The following SPTB variants were observed in gnomAD, a reference collection of about 807,000 sequenced individuals.
The protein encoded by SPTB is spectrin beta, erythrocytic.
Under a neutral mutation model 256.2 loss-of-function variants are expected in SPTB, and 45 were observed. That is an observed-to-expected ratio of 0.18 (90% CI 0.14 to 0.23). SPTB has a LOEUF of 0.23. Ranked by LOEUF, SPTB falls within the 10% of genes least tolerant of loss-of-function variation. The pLI is 1.00. For missense variants in SPTB, 2,715 were observed against 3,040.4 expected (o/e 0.89, Z 2.52); for synonymous variants, 1,231 against 1,243.1 (o/e 0.99, Z 0.21).
chr14:64,779,823 G>A lies in SPTB; in HGVS notation c.4375C>T (p.Arg1459Trp), dbSNP rs780155773. The change falls in exon 21 of 36, where the codon CGG (arginine) becomes TGG (tryptophan). Residue 1459 changes from arginine (R) to tryptophan (W), a missense_variant. Coordinates refer to ENST00000644917, the MANE Select transcript of SPTB (RefSeq NM_001355436.2). This position sits in a 1 kb window ranked among gnomAD's most constrained non-coding sequence, Gnocchi z 4.2. ...AGGGGTTCCAGGAGGTCCAGGAACC[G>A]CTTCTCGATGCTCAAGTCTGCATCT... ...GGDADLSIEK[R>W]FLDLLEPLGR... 16 of 1,613,950 alleles carry A rather than the reference G, an allele frequency of 9.9e-6. No individual in the cohort carries two copies. Among genetic ancestry groups the A allele is most frequent in the Middle Eastern group, 1.6e-4 (1 of 6,084 alleles).
chr14:64,870,244 T>G (rs1357277120), intron 1 of SPTB, among the ~76,000 whole-genome samples: 2 of 150,750 alleles, frequency 1.3e-5, no homozygotes, highest in South Asian at 2.1e-4. Flanking sequence ...TACAGAGGAA[T>G]CCACAAGGAA....
chr14:64,783,189 A>G (rs2082502245), intron 19 of SPTB, among the ~76,000 whole-genome samples: 1 of 151,856 alleles, frequency 6.6e-6, no homozygotes, highest in Non-Finnish European at 1.5e-5. Context: ...TTAGGAATCT[A>G]TATCACTAAT....
chr14:64,798,927 C>T (rs141669215), intron 9 of SPTB, among the ~76,000 whole-genome samples: 1 of 152,276 alleles, frequency 6.6e-6, no homozygotes, highest in East Asian at 1.9e-4. Context: ...AGCTGGAATG[C>T]CCCGTGTGTA....
rs760486873 is a variant in SPTB at position 64,752,542 on chromosome 14, C to T, written c.6602+995G>A. ...CCTTGAACAAATGACTTAACCTTTC[C>T]GAGACTCTGTTATCCCCTTGGAAAA... On this transcript the variant is annotated intron_variant, in intron 33 of 35. Coordinates refer to ENST00000644917, the MANE Select transcript of SPTB (RefSeq NM_001355436.2). Among the ~76,000 whole-genome samples the T allele has an allele frequency of 3.3e-5, 5 of 152,226 alleles. No individual in the cohort carries two copies. In the East Asian group the frequency reaches 5.8e-4, roughly 18 times the overall value.
chr14:64,767,906 G>C lies in SPTB; in HGVS notation c.6023-47C>G, dbSNP rs201190781. ...AGACCCCCCACAAGGCCCAGGGCCT[G>C]TTAGCACCCAATCGTTCACTCCTGA... On this transcript the variant is annotated intron_variant, in intron 29 of 35. Transcript: ENST00000644917. 12 of 1,603,478 alleles carry C rather than the reference G, an allele frequency of 7.5e-6. No homozygotes were observed. The East Asian group carries it at 2.2e-4, about 30-fold the overall frequency.
At chr14:64,848,478 A>G (rs1057027471) in intron 1 of SPTB, among the ~76,000 whole-genome samples, 3 of 152,194 alleles carry the variant, frequency 2.0e-5, no homozygotes, top group Non-Finnish European at 4.4e-5. Context: ...TTGCTATTAC[A>G]TCACTTAGTC....
rs907583420 is a variant in SPTB at position 64,759,399 on chromosome 14, C to T, written c.6346-5606G>A. The stretch of plus-strand genomic sequence containing the variant: ...CTCCCAGCTCACCAGCTGAACCATC[C>T]ACCCATGCCAACCGTGGGCCCTGGG... On this transcript the variant is annotated intron_variant, in intron 32 of 35. Transcript: ENST00000644917. The surrounding 1 kb of genome is among the most constrained non-coding windows in gnomAD (Gnocchi z 4.8). Among the ~76,000 whole-genome samples, 18 of 152,242 alleles carry T rather than the reference C, an allele frequency of 1.2e-4. No individual in the cohort carries two copies. The highest frequency in any genetic ancestry group is 4.3e-4 in the African/African-American group (18 of 41,454).
intron 1 of SPTB, among the ~76,000 whole-genome samples, chr14:64,867,067 G>A (rs1882226769): frequency 6.6e-6 from 1 of 152,158 alleles, no homozygotes; most frequent in African/African-American, 2.4e-5. Flanking sequence ...ATCTGACGAT[G>A]TAAGTTAAAA....
chr14:64,775,505 C>G lies in SPTB; in HGVS notation c.4564-102G>C, dbSNP rs867837383. 2.2e-4 allele frequency: 325 copies of G among 1,447,836 alleles called. No homozygotes were observed. The highest frequency in any genetic ancestry group is 7.0e-4 in the Middle Eastern group (3 of 4,258). 89.7% of individuals were successfully genotyped at this position (1,447,836 alleles called of 1,614,324 possible). A position where few individuals can be genotyped will look rare whatever the true frequency, so the allele number is the denominator to read the frequency against. On this transcript the variant is annotated intron_variant, in intron 22 of 35. Coordinates refer to ENST00000644917, the MANE Select transcript of SPTB (RefSeq NM_001355436.2). This position sits in a 1 kb window ranked among gnomAD's most constrained non-coding sequence, Gnocchi z 5.0. ...CTCTGACACCCTTGGTCCCTCTCAC[C>G]CCCGTTGCTAGAGCAGAGCAGGTGA...
intron 1 of SPTB, among the ~76,000 whole-genome samples, chr14:64,868,854 C>T (rs183295135): frequency 1.3e-5 from 2 of 152,232 alleles, no homozygotes; most frequent in African/African-American, 4.8e-5. Flanking sequence ...CATCTCCATC[C>T]TTAGATGTCA....
intron 1 of SPTB, among the ~76,000 whole-genome samples, chr14:64,871,571 G>A (rs1882535652): frequency 6.6e-6 from 1 of 152,192 alleles, no homozygotes; most frequent in African/African-American, 2.4e-5. Flanking sequence ...TAACTTGAGG[G>A]CTACCAAGGT....
intron 6 of SPTB, 90 bp from the exon 7 acceptor site, chr14:64,801,490 G>T: frequency 1.0e-6 from 1 of 998,710 alleles, no homozygotes; most frequent in Non-Finnish European, 1.6e-6. Flanking sequence ...TTGTACAGAG[G>T]CAGGGAGGTG....
chr14:64,753,558 G>A lies in SPTB; in HGVS notation c.6581C>T (p.Pro2194Leu). 1.9e-6 allele frequency: 3 copies of A among 1,613,386 alleles called. No homozygotes were observed. The highest frequency in any genetic ancestry group is 2.5e-6 in the Non-Finnish European group (3 of 1,179,988). The change falls in exon 33 of 36, where the codon CCC becomes CTC. Residue 2194 changes from proline (P) to leucine (L), a missense_variant. This residue lies in a region of SPTB where 2,239 missense variants were observed against 2,384.4 expected (regional missense o/e 0.94). Coordinates refer to ENST00000644917, the MANE Select transcript of SPTB (RefSeq NM_001355436.2). Reference sequence around the variant, plus strand: ...TCACCTGTTGGAAGCCTTCTTGTTGGGCCCCTCCAGGTCATGCTTGCGGCC... The same window carrying A: ...TCACCTGTTGGAAGCCTTCTTGTTGAGCCCCTCCAGGTCATGCTTGCGGCC... ...YLGRKHDLEG[P>L]NKKASNRSWN...
At chr14:64,798,731 A>G (rs534875546) in intron 9 of SPTB, among the ~76,000 whole-genome samples, 15 of 152,344 alleles carry the variant, frequency 9.8e-5, no homozygotes, top group Admixed American at 7.8e-4. Flanking sequence ...GGCTTCAGAA[A>G]TGGGTTACTG....
chr14:64,877,218 C>T (rs1424070892), intron 1 of SPTB, among the ~76,000 whole-genome samples: 5 of 151,758 alleles, frequency 3.3e-5, no homozygotes, highest in South Asian at 2.1e-4. Flanking sequence ...GAAACAATGA[C>T]CTGAAAATAA....
chr14:64,750,358 C>A, intron 33 of SPTB: 1 of 568,764 alleles, frequency 1.8e-6, no homozygotes, highest in South Asian at 3.2e-5. Flanking sequence ...TTCTAGTCTT[C>A]ACATTTTCGC....
At position 64,786,369 on chromosome 14, in the gene SPTB, A is replaced by C; in HGVS notation, c.3561+35T>G. The C allele has an allele frequency of 6.2e-7, 1 of 1,613,158 alleles. No homozygotes were observed. The highest frequency in any genetic ancestry group is 8.5e-7 in the Non-Finnish European group (1 of 1,179,996). ...TCACCACAAGAGCTACTGCCCTGAG[A>C]GACCCGCCTGTCCCAGCCCTGAATG... On this transcript the variant is annotated intron_variant, in intron 16 of 35. Transcript: ENST00000644917. This position sits in a 1 kb window ranked among gnomAD's most constrained non-coding sequence, Gnocchi z 5.6.
chr14:64,784,048 G>A (rs1283146199), intron 19 of SPTB, among the ~76,000 whole-genome samples, 199 bp downstream of exon 19: 1 of 152,222 alleles, frequency 6.6e-6, no homozygotes, highest in African/African-American at 2.4e-5. Flanking sequence ...ACCCAGAAGA[G>A]GCACTGATTC....
Position 64,767,664 on chromosome 14 carries a change from G to A in SPTB, c.6218C>T (p.Thr2073Met), listed in dbSNP as rs138377308. 1.4e-5 allele frequency: 22 copies of A among 1,613,854 alleles called. No homozygotes were observed. The highest frequency in any genetic ancestry group is 4.5e-5 in the East Asian group (2 of 44,896). The change falls in exon 30 of 36, where the codon ACG (threonine) becomes ATG (methionine). Residue 2073 changes from threonine to methionine, a missense_variant and splice_region_variant. This residue lies in a region of SPTB where 2,239 missense variants were observed against 2,384.4 expected (regional missense o/e 0.94). Coordinates refer to ENST00000644917, the MANE Select transcript of SPTB (RefSeq NM_001355436.2). ...ERFAALEKPT[T>M]LELKERQIAE... ...CTCCCAGCACTGTTCCCTGCTCACC[G>A]TGGTGGGCTTCTCCAGGGCAGCAAA...
Sources: allele counts gnomAD v4.1 joint callset (sites outside exome capture counted in the v4.1 genomes callset), GRCh38; gene constraint gnomAD v4.1.1; regional missense constraint gnomAD v4.1.1; non-coding constraint Gnocchi (gnomAD v3.1); transcripts MANE v1.5; gene names NCBI Gene and HGNC (gene_info 2026-07-23, HGNC 2026-07-21).